MORN1: variants seen among roughly 807,000 people sequenced by gnomAD.
MORN1 encodes the protein MORN repeat containing 1.
Under a neutral mutation model 61.9 loss-of-function variants are expected in MORN1, and 67 were observed. The observed-to-expected ratio is 1.08, with a 90% CI of 0.89 to 1.33. The LOEUF is 1.33. Ranked by LOEUF, MORN1 falls within the 40% of genes most tolerant of loss-of-function variation. The probability of loss-of-function intolerance (pLI) is 0.00; values close to 1 mark genes in which losing one functional copy is unlikely to be tolerated. For missense variants in MORN1, 752 were observed against 691.2 expected (o/e 1.09, Z -0.99); for synonymous variants, 301 against 292.0 (o/e 1.03, Z -0.31).
At chr1:2,363,809 AAAAT>A (rs1199926803) in intron 8 of MORN1, among the ~76,000 whole-genome samples, 1 of 59,766 alleles carries the variant, frequency 1.7e-5, no homozygotes, top group Admixed American at 1.8e-4. Context: ...AACAAACAAA[AAAAT>A]ATATATATAT....
chr1:2,336,916 G>A, intron 10 of MORN1, 66 bp from the exon 11 acceptor site: 2 of 1,450,168 alleles, frequency 1.4e-6, no homozygotes, highest in Non-Finnish European at 1.8e-6. Context: ...GAGCCCCACA[G>A]GGCTGTGCTG....
intron 6 of MORN1, among the ~76,000 whole-genome samples, chr1:2,383,860 C>A (rs1557893141): frequency 6.6e-6 from 1 of 152,274 alleles, no homozygotes; most frequent in African/African-American, 2.4e-5. Context: ...CCGTGAAGCA[C>A]CCCCACACTG....
At chr1:2,364,082 C>A (rs1287717197) in intron 8 of MORN1, among the ~76,000 whole-genome samples, 1 of 151,984 alleles carries the variant, frequency 6.6e-6, no homozygotes, top group African/African-American at 2.4e-5. Context: ...AAAACATAGG[C>A]AGGTTAAAAG....
chr1:2,331,195 G>A (rs1641140937), intron 12 of MORN1, among the ~76,000 whole-genome samples: 1 of 152,216 alleles, frequency 6.6e-6, no homozygotes, highest in Non-Finnish European at 1.5e-5. Flanking sequence ...TGGTGAGGCA[G>A]CGACTTGGCA....
At chr1:2,385,998 G>T (rs1025175842) in intron 4 of MORN1, 101 bp from the exon 5 acceptor site, 12 of 1,009,382 alleles carry the variant, frequency 1.2e-5, no homozygotes, top group Admixed American at 1.8e-5. Context: ...GAGCAAAGTA[G>T]CAAGTCTAGG....
At chr1:2,377,631 T>C (rs574811121) in intron 6 of MORN1, 21 of 152,490 alleles carry the variant, frequency 1.4e-4, no homozygotes, top group African/African-American at 4.6e-4. Flanking sequence ...CTTTCCATGC[T>C]TTATTGGAAG....
At chr1:2,361,748 C>A (rs1183107123) in intron 8 of MORN1, among the ~76,000 whole-genome samples, 1 of 152,090 alleles carries the variant, frequency 6.6e-6, no homozygotes. Context: ...GGCCGCTGAC[C>A]CTCCATGCGG....
chr1:2,344,067 G>C (rs1405995153), intron 10 of MORN1, among the ~76,000 whole-genome samples: 1 of 152,168 alleles, frequency 6.6e-6, no homozygotes, highest in Non-Finnish European at 1.5e-5. Flanking sequence ...TCTGGAGCAG[G>C]AGAGAAAGGA....
intron 12 of MORN1, among the ~76,000 whole-genome samples, chr1:2,332,998 C>T (rs891573704): frequency 6.6e-6 from 1 of 152,216 alleles, no homozygotes; most frequent in Non-Finnish European, 1.5e-5. Context: ...CCAACCCCCA[C>T]GGGTCCCCCA....
At chr1:2,323,573 G>T in intron 13 of MORN1, 3 of 985,288 alleles carry the variant, frequency 3.0e-6, no homozygotes, top group South Asian at 9.4e-5. Flanking sequence ...GCTGTGGGGC[G>T]ACTGGAGGAG....
intron 8 of MORN1, among the ~76,000 whole-genome samples, chr1:2,364,354 C>T (rs1164771077): frequency 2.0e-5 from 3 of 151,970 alleles, no homozygotes; most frequent in Non-Finnish European, 4.4e-5. Context: ...TTTTTTGGTG[C>T]ATAAATGTCT....
chr1:2,381,873 C>G (rs1027152414), intron 6 of MORN1, among the ~76,000 whole-genome samples: 8 of 152,228 alleles, frequency 5.3e-5, no homozygotes, highest in African/African-American at 7.2e-5. Flanking sequence ...AGCTGCCTCC[C>G]TCCAGCAAGG....
At chr1:2,343,017 G>A (rs1210021782) in intron 10 of MORN1, among the ~76,000 whole-genome samples, 1 of 151,938 alleles carries the variant, frequency 6.6e-6, no homozygotes, top group Non-Finnish European at 1.5e-5. Context: ...GGGATCACGG[G>A]CGTGGCCCCG....
Position 2,321,531 on chromosome 1 carries a change from C to T in MORN1, c.1346G>A (p.Gly449Glu), listed in dbSNP as rs150504740. The change falls in exon 14 of 14, where the codon GGG becomes GAG. Residue 449 changes from glycine to glutamate, a missense_variant. Transcript: ENST00000378531. ...TTTGAAGGCCGGGGGCAGCCTGCGC[C>T]CCAGGAACGGCGGGGTGGTCACGTC... ...IRDVTTPPFL[G>E]RRLPPAFKHL... The T allele has an allele frequency of 2.9e-3, 4,461 of 1,535,778 alleles. 11 individuals carry two copies. The highest frequency in any genetic ancestry group is 4.4e-3 in the Middle Eastern group (26 of 5,868).
chr1:2,347,156 G>A (rs544381839), intron 10 of MORN1, among the ~76,000 whole-genome samples: 5 of 152,310 alleles, frequency 3.3e-5, no homozygotes, highest in Admixed American at 2.0e-4. Context: ...CTGGGATGCC[G>A]CCCCCACACA....
intron 12 of MORN1, among the ~76,000 whole-genome samples, chr1:2,335,752 C>T (rs1379841126): frequency 2.0e-5 from 3 of 151,734 alleles, no homozygotes; most frequent in African/African-American, 4.9e-5. Context: ...AGCAGCTCCT[C>T]CACAGTGTGC....
intron 8 of MORN1, among the ~76,000 whole-genome samples, chr1:2,367,742 C>T (rs1642027881): frequency 6.6e-6 from 1 of 151,984 alleles, no homozygotes; most frequent in African/African-American, 2.4e-5. Flanking sequence ...TTCTCCCTGC[C>T]TCAGCCTCTC....
chr1:2,384,923 GCCCACCACGAGGCCTGTACCCT>G, intron 6 of MORN1, 33 bp downstream of exon 6: 1 of 1,456,464 alleles, frequency 6.9e-7, no homozygotes, highest in South Asian at 1.3e-5. Context: ...CACGCGCCCT[GCCCACCACGAGGCCTGTACCCT>G]CTGGGCAGCA....
At chr1:2,352,357 G>T (rs1294214551) in intron 10 of MORN1, 2 of 158,250 alleles carry the variant, frequency 1.3e-5, no homozygotes, top group African/African-American at 4.8e-5. Flanking sequence ...GGGGTCCCCA[G>T]TGGCTGGGGA....
Sources: allele counts gnomAD v4.1 joint callset (sites outside exome capture counted in the v4.1 genomes callset), GRCh38; gene constraint gnomAD v4.1.1; transcripts MANE v1.5; gene names NCBI Gene and HGNC (gene_info 2026-07-23, HGNC 2026-07-21).